Variants in ARHGAP6 observed in about 807,000 individuals in gnomAD.
The protein encoded by ARHGAP6 is rho GTPase-activating protein 6.
A neutral mutation model predicts 55.7 loss-of-function variants in ARHGAP6; 16 were observed. The ratio of observed to expected loss-of-function variants is 0.29; its 90% CI spans 0.19 to 0.44. The LOEUF is 0.44. ARHGAP6 is among the 20% of genes least tolerant of loss of function. The pLI is 1.00. For missense variants in ARHGAP6, 698 were observed against 808.9 expected (o/e 0.86, Z 1.66); for synonymous variants, 382 against 360.9 (o/e 1.06, Z -0.66).
chrX:11,354,327 C>CTCTCTCTCTCTATA (rs1343744315), intron 1 of ARHGAP6, among the ~76,000 whole-genome samples: 4 of 32,350 alleles, frequency 1.2e-4, no homozygotes, highest in African/African-American at 4.0e-4. Context: ...CTCTCTCTCT[C>CTCTCTCTCTCTATA]TATATATATA....
chrX:11,432,748 T>G (rs2049952615), intron 1 of ARHGAP6, among the ~76,000 whole-genome samples: 1 of 111,482 alleles, frequency 9.0e-6, no homozygotes, highest in African/African-American at 3.3e-5. Flanking sequence ...GTGTCTCCTG[T>G]AAGTGAAGGA....
chrX:11,252,752 ATCTC>A (rs1464754829), intron 2 of ARHGAP6, among the ~76,000 whole-genome samples: 1 of 112,064 alleles, frequency 8.9e-6, no homozygotes, highest in Non-Finnish European at 1.9e-5. Flanking sequence ...GGCCTTGTCT[ATCTC>A]TCTCTTCTGA....
At chrX:11,201,775 T>C (rs1301178705) in intron 2 of ARHGAP6, among the ~76,000 whole-genome samples, 1 of 111,527 alleles carries the variant, frequency 9.0e-6, no homozygotes, top group South Asian at 3.8e-4. Context: ...GAGAACTCAC[T>C]ATCACGAGAA....
At chrX:11,149,294 GAGGA>G (rs1035171437) in intron 10 of ARHGAP6, among the ~76,000 whole-genome samples, 7 of 112,078 alleles carry the variant, frequency 6.2e-5, no homozygotes, top group African/African-American at 2.3e-4. Context: ...GTGAAGGTGT[GAGGA>G]AGGAAGGGGT....
chrX:11,590,883 AAAGAAAGAAAG>A lies in ARHGAP6; in HGVS notation c.588+73347_588+73357del, dbSNP rs1203040783. Among the ~76,000 whole-genome samples, 4 of 89,364 alleles carry A rather than the reference AAAGAAAGAAAG, an allele frequency of 4.5e-5. 1 individual carries two copies. Among genetic ancestry groups the A allele is most frequent in the Non-Finnish European group, 8.6e-5 (4 of 46,653 alleles). 77.6% of individuals were successfully genotyped at this position (89,364 alleles called of 115,157 possible). On this transcript the variant is annotated intron_variant, in intron 1 of 12. Transcript: ENST00000337414. ...AAAGAAAAGAAGGAAAGAAAGAAAG[AAAGAAAGAAAG>A]AAAGAAAGAAAGAAAGAAAGAAAAG...
intron 1 of ARHGAP6, among the ~76,000 whole-genome samples, chrX:11,472,063 G>C (rs746154149): frequency 1.8e-5 from 2 of 111,970 alleles, no homozygotes; most frequent in Admixed American, 1.9e-4. Flanking sequence ...ATTCAAAAGG[G>C]TTAAGCACAG....
rs768898569 is a variant in ARHGAP6, at chrX:11,259,285, CCA to C, written c.589-4580_589-4579del. ...CTTACTTCACTTAGCATGACAATCTCCAGTTTCATCCATGTTGTTGCAAATGA... is the reference window on the plus strand; with the variant it reads ...CTTACTTCACTTAGCATGACAATCTCGTTTCATCCATGTTGTTGCAAATGA... On this transcript the variant is annotated intron_variant, in intron 1 of 12. Coordinates refer to ENST00000337414, the MANE Select transcript of ARHGAP6 (RefSeq NM_013427.3). Among the ~76,000 whole-genome samples the C allele has an allele frequency of 7.9e-4, 88 of 112,020 alleles. No homozygotes were observed. The South Asian group carries it at 0.032, about 41-fold the overall frequency.
intron 1 of ARHGAP6, among the ~76,000 whole-genome samples, chrX:11,442,731 C>T (rs2050052303): frequency 8.9e-6 from 1 of 111,797 alleles, no homozygotes; most frequent in Non-Finnish European, 1.9e-5. Flanking sequence ...GTGTGTGGAG[C>T]TGAGACCACC....
chrX:11,443,074 T>C (rs992204900), intron 1 of ARHGAP6, among the ~76,000 whole-genome samples: 13 of 112,070 alleles, frequency 1.2e-4, no homozygotes, highest in Non-Finnish European at 1.9e-5. Context: ...ACCCAAATCA[T>C]GAAGAGTCCT....
intron 5 of ARHGAP6, among the ~76,000 whole-genome samples, chrX:11,184,895 A>T (rs1462117727): frequency 8.9e-6 from 1 of 112,178 alleles, no homozygotes; most frequent in East Asian, 2.8e-4. Flanking sequence ...TAGAGTGTAC[A>T]TACACCACCC....
intron 1 of ARHGAP6, among the ~76,000 whole-genome samples, chrX:11,621,844 G>A (rs1271033503): frequency 9.0e-6 from 1 of 111,372 alleles, no homozygotes; most frequent in East Asian, 2.8e-4. Context: ...CCTACACCTA[G>A]ACACATTTTA....
At chrX:11,343,223 C>A (rs904763520) in intron 1 of ARHGAP6, among the ~76,000 whole-genome samples, 4 of 112,223 alleles carry the variant, frequency 3.6e-5, no homozygotes, top group Non-Finnish European at 7.5e-5. Context: ...TCTCATTGAC[C>A]AGATGCGTTT....
intron 1 of ARHGAP6, among the ~76,000 whole-genome samples, chrX:11,541,598 C>T (rs768957171): frequency 3.6e-5 from 4 of 112,085 alleles, no homozygotes; most frequent in African/African-American, 1.3e-4. Flanking sequence ...CAGCAGTTAA[C>T]ATAGCACTCA....
intron 1 of ARHGAP6, among the ~76,000 whole-genome samples, chrX:11,342,316 C>G (rs1386787415): frequency 8.9e-6 from 1 of 111,956 alleles, no homozygotes; most frequent in Non-Finnish European, 1.9e-5. Context: ...AATACCAGCA[C>G]AACAGAAAGG....
Position 11,168,292 on chromosome X carries a change from C to CTAA in ARHGAP6, c.1809+1210_1809+1212dup, listed in dbSNP as rs780116694. On this transcript the variant is annotated intron_variant, in intron 9 of 12. Transcript: ENST00000337414. ...TTTTGAGGCAGCACGTGTTACCCAACTAATATAATTACTAATTAACAGTTG... is the reference window on the plus strand; with the variant it reads ...TTTTGAGGCAGCACGTGTTACCCAACTAATAATATAATTACTAATTAACAGTTG... 4.4e-5 allele frequency among the ~76,000 whole-genome samples: 5 copies of CTAA among 112,517 alleles called. No homozygotes were observed. In the East Asian group the frequency reaches 1.1e-3, roughly 25 times the overall value.
intron 1 of ARHGAP6, among the ~76,000 whole-genome samples, chrX:11,585,572 T>C (rs987431609): frequency 2.7e-5 from 3 of 112,803 alleles, no homozygotes; most frequent in Admixed American, 9.4e-5. Flanking sequence ...GCCACATGTA[T>C]GTGTTCTTTT....
intron 1 of ARHGAP6, among the ~76,000 whole-genome samples, chrX:11,518,463 T>C (rs1251930494): frequency 2.3e-5 from 1 of 43,088 alleles, no homozygotes; most frequent in Non-Finnish European, 4.2e-5. Context: ...TTTTTTTTTC[T>C]TTTTTTTTTT....
At chrX:11,321,855 CAAATT>C (rs900202865) in intron 1 of ARHGAP6, among the ~76,000 whole-genome samples, 2 of 112,115 alleles carry the variant, frequency 1.8e-5, no homozygotes, top group African/African-American at 6.5e-5. Flanking sequence ...AAAATTAAAA[CAAATT>C]AAAAATAAAA....
At chrX:11,354,295 T>TTTCTCTC (rs2048900645) in intron 1 of ARHGAP6, among the ~76,000 whole-genome samples, 1 of 41,045 alleles carries the variant, frequency 2.4e-5, no homozygotes, top group Non-Finnish European at 4.1e-5. Context: ...CTCTCTCTCT[T>TTTCTCTC]TCTCTCTCTC....
Sources: allele counts gnomAD v4.1 joint callset (sites outside exome capture counted in the v4.1 genomes callset), GRCh38; gene constraint gnomAD v4.1.1; transcripts MANE v1.5; gene names NCBI Gene and HGNC (gene_info 2026-07-23, HGNC 2026-07-21).